Variants in PCDHA5 observed in about 807,000 individuals in gnomAD.
PCDHA5 encodes protocadherin alpha-5.
In PCDHA5, 43 loss-of-function variants were observed where a neutral mutation model predicts 61.6. The observed-to-expected ratio is 0.70, with a 90% CI of 0.55 to 0.90. PCDHA5 has a LOEUF of 0.90. Among genes scored for constraint, PCDHA5 ranks in the 40% least tolerant of loss-of-function variants. The pLI, the probability that PCDHA5 is intolerant of heterozygous loss-of-function variation, is 0.00. For synonymous variants in PCDHA5, 627 were observed against 543.9 expected (o/e 1.15, Z -2.13); for missense variants, 1,298 against 1,222.7 (o/e 1.06, Z -0.92).
In PCDHA5 at chr5:140,968,471, G is replaced by A. The variant is rs531821868; in HGVS notation, c.2353-10478G>A. On this transcript the variant is annotated intron_variant, in intron 1 of 3. Coordinates refer to ENST00000529859, the MANE Select transcript of PCDHA5 (RefSeq NM_018908.3). ...CAGCACTGTGACTGCCAACGTATAT[G>A]TGGTGGACATGAATGACCATGCCCC... 3.3e-5 allele frequency: 54 copies of A among 1,614,154 alleles called. No homozygotes were observed. The South Asian group carries it at 5.7e-4, about 17-fold the overall frequency.
chr5:140,946,781 G>A (rs1006814243), intron 1 of PCDHA5, among the ~76,000 whole-genome samples: 6 of 151,330 alleles, frequency 4.0e-5, no homozygotes, highest in African/African-American at 1.2e-4. Flanking sequence ...ATGTAAAAAA[G>A]CTGATCTTAT....
At position 141,004,143 on chromosome 5, in the gene PCDHA5, C is replaced by T. The variant is rs1023273119; in HGVS notation, c.2501-5484C>T. 2.6e-5 allele frequency among the ~76,000 whole-genome samples: 4 copies of T among 152,252 alleles called. No homozygotes were observed. In the East Asian group the frequency reaches 7.7e-4, roughly 29 times the overall value. ...TATCTCCATGATTCTGCCCCAAAGG[C>T]ATGACATTTTATAGGCAAAGCCAGC... On this transcript the variant is annotated intron_variant, in intron 3 of 3. Transcript: ENST00000529859.
intron 3 of PCDHA5, among the ~76,000 whole-genome samples, chr5:141,009,180 T>C (rs1272195338): frequency 6.6e-6 from 1 of 152,170 alleles, no homozygotes; most frequent in Non-Finnish European, 1.5e-5. Context: ...CTTGGCTGGG[T>C]GTGGTAGCTC....
intron 1 of PCDHA5, chr5:140,835,500 A>C: frequency 6.2e-7 from 1 of 1,613,942 alleles, no homozygotes; most frequent in Non-Finnish European, 8.5e-7. Flanking sequence ...CACATTGATT[A>C]GCGTGTTTGA....
At chr5:140,891,409 C>T (rs1295005747) in intron 1 of PCDHA5, among the ~76,000 whole-genome samples, 1 of 148,202 alleles carries the variant, frequency 6.7e-6, no homozygotes, top group Non-Finnish European at 1.5e-5. Context: ...CGCCACCCCC[C>T]ACTCTTGCCC....
chr5:140,850,269 G>C lies in PCDHA5; in HGVS notation c.2352+26142G>C, dbSNP rs201513560. ...GTCGGTGGGCGCCGGCGTAGTGGTGGGGAAGGTGCGCGCAGTGGACGCCGA... is the reference window on the plus strand; with the variant it reads ...GTCGGTGGGCGCCGGCGTAGTGGTGCGGAAGGTGCGCGCAGTGGACGCCGA... On this transcript the variant is annotated intron_variant, in intron 1 of 3. Transcript: ENST00000529859. 7 of 1,594,786 alleles carry C rather than the reference G, an allele frequency of 4.4e-6. 1 individual carries two copies. The highest frequency in any genetic ancestry group is 1.3e-5 in the African/African-American group (1 of 74,148).
rs185216314 is a variant in PCDHA5, at chr5:140,968,202, A to G, written c.2353-10747A>G. On this transcript the variant is annotated intron_variant, in intron 1 of 3. Transcript: ENST00000529859. ...GAGGACTCCTATTCCATCTACATACAGGAGAACAATTTGCCAGGTGTGTTG... is the reference window on the plus strand; with the variant it reads ...GAGGACTCCTATTCCATCTACATACGGGAGAACAATTTGCCAGGTGTGTTG... The G allele has an allele frequency of 3.7e-5, 60 of 1,614,044 alleles. 1 individual carries two copies. The East Asian group carries it at 1.1e-3, about 29-fold the overall frequency.
intron 1 of PCDHA5, chr5:140,969,364 T>C: frequency 6.2e-7 from 1 of 1,610,368 alleles, no homozygotes; most frequent in Non-Finnish European, 8.5e-7. Context: ...TTCTACAAAC[T>C]CATGCATTTG....
intron 1 of PCDHA5, among the ~76,000 whole-genome samples, chr5:140,943,906 C>T (rs963288804): frequency 2.0e-5 from 3 of 152,156 alleles, no homozygotes; most frequent in African/African-American, 7.2e-5. Context: ...ATGTCATGAG[C>T]ACTTTAGCAT....
At chr5:140,981,392 G>A (rs565370456) in intron 2 of PCDHA5, among the ~76,000 whole-genome samples, 1 of 152,208 alleles carries the variant, frequency 6.6e-6, no homozygotes, top group South Asian at 2.1e-4. Context: ...TGGTCAATAT[G>A]GTGAAAACCT....
At position 140,851,668 on chromosome 5, in the gene PCDHA5, G is replaced by A. The variant is rs550292349; in HGVS notation, c.2352+27541G>A. 14 of 914,874 alleles carry A rather than the reference G, an allele frequency of 1.5e-5. 2 individuals carry two copies. Among genetic ancestry groups the A allele is most frequent in the Non-Finnish European group, 1.9e-5 (14 of 751,922 alleles). 56.7% of individuals were successfully genotyped at this position (914,874 alleles called of 1,614,324 possible). A position where few individuals can be genotyped will look rare whatever the true frequency, so the allele number is the denominator to read the frequency against. ...TCAAGAAGACATTCTCCTTTTAATT[G>A]AAATTTTCTCCATTCAGTGATAAAA... On this transcript the variant is annotated intron_variant, in intron 1 of 3. Coordinates refer to ENST00000529859, the MANE Select transcript of PCDHA5 (RefSeq NM_018908.3).
In PCDHA5 at chr5:140,857,896, T is replaced by A; in HGVS notation, c.2352+33769T>A. 4 of 1,597,704 alleles carry A rather than the reference T, an allele frequency of 2.5e-6. 1 individual carries two copies. The highest frequency in any genetic ancestry group is 3.4e-6 in the Non-Finnish European group (4 of 1,167,490). On this transcript the variant is annotated intron_variant, in intron 1 of 3. Coordinates refer to ENST00000529859, the MANE Select transcript of PCDHA5 (RefSeq NM_018908.3). ...ATGAATTGCAGTCGGCGGCGGTTGGTGCACGCATCCCGTTTCGCGTGGGGC... is the reference window on the plus strand; with the variant it reads ...ATGAATTGCAGTCGGCGGCGGTTGGAGCACGCATCCCGTTTCGCGTGGGGC...
At chr5:140,857,727 A>C in intron 1 of PCDHA5, 1 of 1,597,294 alleles carries the variant, frequency 6.3e-7, no homozygotes, top group South Asian at 1.1e-5. Flanking sequence ...GAGAACGACA[A>C]CGCTCCCGCG....
chr5:140,826,367 T>A (rs1304038194), intron 1 of PCDHA5, among the ~76,000 whole-genome samples: 2 of 152,176 alleles, frequency 1.3e-5, no homozygotes, highest in African/African-American at 2.4e-5. Context: ...ATAACTGCAA[T>A]AGAAAGTCAG....
chr5:140,877,016 G>A (rs781790454), intron 1 of PCDHA5: 2 of 1,612,362 alleles, frequency 1.2e-6, no homozygotes, highest in Non-Finnish European at 1.7e-6. Context: ...GCGGAGAGCG[G>A]CAAGGTGTAC....
At position 140,894,452 on chromosome 5, in the gene PCDHA5, A is replaced by G. The variant is rs555452172; in HGVS notation, c.2352+70325A>G. On this transcript the variant is annotated intron_variant, in intron 1 of 3. Coordinates refer to ENST00000529859, the MANE Select transcript of PCDHA5 (RefSeq NM_018908.3). ...ATCCTACCTAGCTCTTTTTTAAAAA[A>G]TATTTTACTTTTTATTCTTGTTTTC... 3.9e-5 allele frequency among the ~76,000 whole-genome samples: 6 copies of G among 152,050 alleles called. No homozygotes were observed. In the East Asian group the frequency reaches 9.6e-4, roughly 24 times the overall value.
At chr5:140,953,104 G>T (rs535123595) in intron 1 of PCDHA5, among the ~76,000 whole-genome samples, 1 of 152,244 alleles carries the variant, frequency 6.6e-6, no homozygotes, top group African/African-American at 2.4e-5. Flanking sequence ...CATGAGATTT[G>T]GGCAGGGACA....
chr5:140,923,986 G>A (rs1482099424), intron 1 of PCDHA5, among the ~76,000 whole-genome samples: 2 of 152,074 alleles, frequency 1.3e-5, no homozygotes, highest in African/African-American at 2.4e-5. Flanking sequence ...ATCCCTCTAG[G>A]TGCAGCTCAG....
chr5:140,861,207 AC>A (rs2046795908), intron 1 of PCDHA5: 1 of 165,948 alleles, frequency 6.0e-6, no homozygotes, highest in East Asian at 1.8e-4. Context: ...TGTTTTACTA[AC>A]CAAAAGAGAG....
Sources: allele counts gnomAD v4.1 joint callset (sites outside exome capture counted in the v4.1 genomes callset), GRCh38; gene constraint gnomAD v4.1.1; transcripts MANE v1.5; gene names NCBI Gene and HGNC (gene_info 2026-07-23, HGNC 2026-07-21).